Variants in CDK14 observed in about 807,000 individuals in gnomAD.
CDK14 encodes cyclin-dependent kinase 14.
In CDK14, 34 loss-of-function variants were observed where a neutral mutation model predicts 60.7. That is an observed-to-expected ratio of 0.56 (90% CI 0.43 to 0.75). The LOEUF is 0.75. Among genes scored for constraint, CDK14 ranks in the 30% least tolerant of loss-of-function variants. The pLI, the probability that CDK14 is intolerant of heterozygous loss-of-function variation, is 0.00. For missense variants in CDK14, 482 were observed against 564.1 expected (o/e 0.85, Z 1.47); for synonymous variants, 197 against 203.7 (o/e 0.97, Z 0.28).
chr7:90,806,762 C>G (rs1788859188), intron 5 of CDK14, among the ~76,000 whole-genome samples: 1 of 151,944 alleles, frequency 6.6e-6, no homozygotes, highest in African/African-American at 2.4e-5. Flanking sequence ...TCAGGTCACT[C>G]CCACCCTAAT....
intron 12 of CDK14, among the ~76,000 whole-genome samples, chr7:91,102,401 G>T (rs997321639): frequency 1.3e-5 from 2 of 152,218 alleles, no homozygotes; most frequent in Middle Eastern, 3.4e-3. Context: ...TTTTTATATG[G>T]AATTTTGTAT....
intron 4 of CDK14, among the ~76,000 whole-genome samples, chr7:90,757,868 G>T (rs551078347): frequency 6.6e-6 from 1 of 152,326 alleles, no homozygotes; most frequent in Non-Finnish European, 1.5e-5. Context: ...TTCCCAAAAT[G>T]TTGGGATTAC....
chr7:90,805,180 C>T (rs1305601758), intron 5 of CDK14, among the ~76,000 whole-genome samples: 1 of 151,966 alleles, frequency 6.6e-6, no homozygotes, highest in Non-Finnish European at 1.5e-5. Flanking sequence ...TCGTAATGTA[C>T]TTGTAAACTT....
chr7:90,786,803 C>A (rs779551976), intron 4 of CDK14, among the ~76,000 whole-genome samples: 1 of 150,692 alleles, frequency 6.6e-6, no homozygotes, highest in Non-Finnish European at 1.5e-5. Flanking sequence ...TCTGTAGTCT[C>A]AGCTACTCTG....
intron 14 of CDK14, among the ~76,000 whole-genome samples, chr7:91,173,573 C>A (rs1283652611): frequency 4.6e-5 from 7 of 152,154 alleles, no homozygotes; most frequent in African/African-American, 1.4e-4. Context: ...GAGTGCCAGA[C>A]AGTGGGCGCA....
chr7:91,079,875 C>A (rs1798434063), intron 12 of CDK14, among the ~76,000 whole-genome samples: 1 of 152,110 alleles, frequency 6.6e-6, no homozygotes, highest in Non-Finnish European at 1.5e-5. Context: ...CAGATTTTTT[C>A]ACTTCGCATA....
In CDK14 at chr7:91,023,012, A is replaced by AT. The variant is rs1243822718; in HGVS notation, c.1042-22884dup. ...TCAATATTTCAAGCCTTTGAAGTATATATTTTTTTTTTTTCGTCTAATGAA... is the reference window on the plus strand; with the variant it reads ...TCAATATTTCAAGCCTTTGAAGTATATTATTTTTTTTTTTTCGTCTAATGAA... On this transcript the variant is annotated intron_variant, in intron 10 of 14. Transcript: ENST00000380050. Among the ~76,000 whole-genome samples the AT allele has an allele frequency of 5.9e-4, 22 of 37,296 alleles. No individual in the cohort carries two copies. The Admixed American group carries it at 8.3e-3, about 14-fold the overall frequency. The allele number at this position is 37,296 out of a possible 152,430, so 24.5% of individuals were successfully genotyped here. A position where few individuals can be genotyped will look rare whatever the true frequency, so the allele number is the denominator to read the frequency against.
intron 6 of CDK14, among the ~76,000 whole-genome samples, chr7:90,880,360 T>C (rs1173003490): frequency 2.0e-5 from 3 of 152,194 alleles, no homozygotes. Context: ...TAACCCATCC[T>C]TCCTCAGTGG....
intron 5 of CDK14, 114 bp from the exon 6 acceptor site, chr7:90,863,061 T>C (rs921292969): frequency 9.2e-6 from 5 of 544,888 alleles, no homozygotes; most frequent in African/African-American, 2.0e-5. Flanking sequence ...GTTATTGACT[T>C]GGAACATGTG....
chr7:90,831,001 T>C (rs1789894671), intron 5 of CDK14, among the ~76,000 whole-genome samples: 1 of 152,264 alleles, frequency 6.6e-6, no homozygotes. Context: ...ATTCAACAAG[T>C]CTTTAGGAAA....
intron 14 of CDK14, among the ~76,000 whole-genome samples, chr7:91,166,611 A>G (rs567978704): frequency 3.3e-5 from 5 of 152,344 alleles, no homozygotes; most frequent in Admixed American, 2.6e-4. Flanking sequence ...TATGCTTTTC[A>G]TAAGATACTG....
chr7:91,003,671 G>C (rs756141672), intron 10 of CDK14, among the ~76,000 whole-genome samples: 8 of 152,106 alleles, frequency 5.3e-5, no homozygotes, highest in Non-Finnish European at 1.0e-4. Context: ...CTTCCTAAAG[G>C]TGTGACCTAG....
chr7:91,107,501 C>T (rs1014216648), intron 12 of CDK14: 1 of 152,180 alleles, frequency 6.6e-6, no homozygotes, highest in Admixed American at 6.5e-5. Flanking sequence ...GGTACACTGC[C>T]ATTTATCCAA....
intron 5 of CDK14, among the ~76,000 whole-genome samples, chr7:90,848,843 T>C (rs539785001): frequency 8.1e-4 from 124 of 152,368 alleles, no homozygotes; most frequent in Middle Eastern, 3.4e-3. Context: ...GTGGGTTTCA[T>C]TGGGGCTTTG....
intron 5 of CDK14, among the ~76,000 whole-genome samples, chr7:90,857,824 T>C (rs1268960617): frequency 6.6e-6 from 1 of 152,216 alleles, no homozygotes; most frequent in East Asian, 1.9e-4. Context: ...GGCACCTCAC[T>C]GGGACCAGTG....
chr7:90,727,071 G>C (rs1480237103), intron 3 of CDK14, among the ~76,000 whole-genome samples: 1 of 152,162 alleles, frequency 6.6e-6, no homozygotes, highest in Non-Finnish European at 1.5e-5. Flanking sequence ...TTTCTAGTTA[G>C]AGGAATTTAT....
At position 90,917,892 on chromosome 7, in the gene CDK14, T is replaced by C. The variant is rs117233226; in HGVS notation, c.826+168T>C. 6.9e-3 allele frequency among the ~76,000 whole-genome samples: 1,044 copies of C among 152,210 alleles called. 15 individuals are homozygous for C. Among genetic ancestry groups the C allele is most frequent in the Non-Finnish European group, 8.1e-3 (552 of 68,026 alleles). ...TTTTTTTTAATGATAGCATAAAATA[T>C]AATGCTTTGTGGAGTTTTATAAAAT... On this transcript the variant is annotated intron_variant, in intron 8 of 14. Coordinates refer to ENST00000380050, the MANE Select transcript of CDK14 (RefSeq NM_001287135.2).
chr7:90,719,909 C>G (rs1347674459), intron 2 of CDK14, among the ~76,000 whole-genome samples: 3 of 152,132 alleles, frequency 2.0e-5, no homozygotes, highest in Non-Finnish European at 4.4e-5. Context: ...TGTTTTCACA[C>G]GATACTGATA....
rs557227534 is a variant in CDK14, at chr7:91,072,331, G to A, written c.1106-7101G>A. Among the ~76,000 whole-genome samples the A allele has an allele frequency of 2.0e-4, 31 of 152,206 alleles. No homozygotes were observed. In the South Asian group the frequency reaches 4.4e-3, roughly 21 times the overall value. On this transcript the variant is annotated intron_variant, in intron 11 of 14. Transcript: ENST00000380050. ...GAAGGAGCAGGTACCCATCTTTGCC[G>A]TTCTCCAGCCTCCTCAAGTTCACTC...
Sources: allele counts gnomAD v4.1 joint callset (sites outside exome capture counted in the v4.1 genomes callset), GRCh38; gene constraint gnomAD v4.1.1; transcripts MANE v1.5; gene names NCBI Gene and HGNC (gene_info 2026-07-23, HGNC 2026-07-21).